The following NREP variants were observed in gnomAD, a reference collection of about 807,000 sequenced individuals.
NREP encodes the protein neuronal regeneration-related protein.
A neutral mutation model predicts 8.6 loss-of-function variants in NREP; 5 were observed. That is an observed-to-expected ratio of 0.58 (90% confidence interval 0.30 to 1.22). The LOEUF (loss-of-function observed/expected upper bound fraction) is 1.22. Ranked by LOEUF, NREP falls within the 50% of genes most tolerant of loss-of-function variation. NREP has a pLI of 0.07. For missense variants in NREP, 86 were observed against 82.5 expected (o/e 1.04, Z -0.17); for synonymous variants, 27 against 28.0 (o/e 0.96, Z 0.11).
At chr5:111,896,861 C>G (rs1754523835) in intron 2 of NREP, among the ~76,000 whole-genome samples, 1 of 152,126 alleles carries the variant, frequency 6.6e-6, no homozygotes, top group Non-Finnish European at 1.5e-5. Flanking sequence ...GGGAGAAATA[C>G]TAACAGAAGA....
In NREP at chr5:111,802,398, G is replaced by C. The variant is rs540790426; in HGVS notation, c.136-66891C>G. 2.0e-5 allele frequency among the ~76,000 whole-genome samples: 3 copies of C among 152,262 alleles called. No individual in the cohort carries two copies. In the South Asian group the frequency reaches 6.2e-4, roughly 32 times the overall value. On this transcript the variant is annotated intron_variant, in intron 2 of 3. Coordinates refer to the NREP transcript ENST00000395634. The stretch of plus-strand genomic sequence containing the variant: ...AATTGTTAAAGACTTTTAGGGTGAA[G>C]CCTAGTCTTGAAAACACTGGGGAGC...
intron 2 of NREP, among the ~76,000 whole-genome samples, chr5:111,873,926 T>C (rs1453430169): frequency 1.3e-5 from 2 of 152,154 alleles, no homozygotes; most frequent in South Asian, 2.1e-4. Context: ...TCCCTCTGAA[T>C]TTCTTTCTAC....
intron 2 of NREP, among the ~76,000 whole-genome samples, chr5:111,898,620 A>G (rs1754570940): frequency 6.6e-6 from 1 of 152,154 alleles, no homozygotes. Flanking sequence ...GTGGAACATG[A>G]TGGCAGAGTA....
chr5:111,845,948 A>G (rs1753151993), intron 2 of NREP: 1 of 152,168 alleles, frequency 6.6e-6, no homozygotes, highest in Non-Finnish European at 1.5e-5. Flanking sequence ...ATGACTCCAT[A>G]TTGCCATTTA....
intron 2 of NREP, among the ~76,000 whole-genome samples, chr5:111,944,698 C>A (rs1328738156): frequency 6.6e-6 from 1 of 152,052 alleles, no homozygotes; most frequent in African/African-American, 2.4e-5. Flanking sequence ...TCAATTCTGG[C>A]CCACAGTATC....
At chr5:111,798,913 T>A (rs1385098451) in intron 2 of NREP, among the ~76,000 whole-genome samples, 1 of 152,204 alleles carries the variant, frequency 6.6e-6, no homozygotes, top group Non-Finnish European at 1.5e-5. Context: ...TTTTGTATAA[T>A]AACTTCTTTT....
chr5:111,962,016 C>A (rs1445139336), intron 2 of NREP, among the ~76,000 whole-genome samples: 1 of 152,120 alleles, frequency 6.6e-6, no homozygotes, highest in Non-Finnish European at 1.5e-5. Flanking sequence ...AATTCAGGCT[C>A]CAGTCAAGTG....
intron 2 of NREP, among the ~76,000 whole-genome samples, chr5:111,890,110 A>C (rs1031532011): frequency 6.6e-6 from 1 of 152,204 alleles, no homozygotes; most frequent in African/African-American, 2.4e-5. Flanking sequence ...CCCGACAGGT[A>C]CAATCATTGG....
At chr5:111,755,071 TAATA>T (rs1437039677) in intron 2 of NREP, among the ~76,000 whole-genome samples, 1 of 152,212 alleles carries the variant, frequency 6.6e-6, no homozygotes, top group African/African-American at 2.4e-5. Context: ...CATAGATGAT[TAATA>T]TACTTATTCA....
At chr5:111,895,819 G>C (rs1188041680) in intron 2 of NREP, among the ~76,000 whole-genome samples, 1 of 152,112 alleles carries the variant, frequency 6.6e-6, no homozygotes, top group Non-Finnish European at 1.5e-5. Context: ...TGGGACATTT[G>C]AAACTCTGTA....
At chr5:111,917,193 G>A (rs952128247) in intron 2 of NREP, among the ~76,000 whole-genome samples, 2 of 152,066 alleles carry the variant, frequency 1.3e-5, no homozygotes, top group African/African-American at 2.4e-5. Context: ...CCAATAACAT[G>A]TTCTGAAATT....
Position 111,873,500 on chromosome 5 carries a change from A to G in NREP, c.135+101774T>C, listed in dbSNP as rs373479940. ...CATTTGTAGGGGACAGAAGTCTCCA[A>G]TTTCTTGCTGGCTGTAAACTGAAGG... On this transcript the variant is annotated intron_variant, in intron 2 of 3. Transcript: ENST00000395634. Among the ~76,000 whole-genome samples the G allele has an allele frequency of 6.2e-4, 94 of 152,278 alleles. 2 individuals carry two copies. The highest frequency in any genetic ancestry group is 2.2e-3 in the African/African-American group (93 of 41,562).
chr5:111,785,587 T>C (rs143344610), intron 2 of NREP, among the ~76,000 whole-genome samples: 372 of 152,276 alleles, frequency 2.4e-3, no homozygotes, highest in African/African-American at 8.0e-3. Flanking sequence ...CCAAAATGAC[T>C]ATTCTTATTT....
chr5:111,881,647 A>G (rs1754075241), intron 2 of NREP, among the ~76,000 whole-genome samples: 1 of 152,152 alleles, frequency 6.6e-6, no homozygotes. Context: ...CAGAGGAACG[A>G]TCAGACAGCA....
chr5:111,743,998 GTATT>G (rs1214124447), intron 2 of NREP, among the ~76,000 whole-genome samples: 1 of 152,096 alleles, frequency 6.6e-6, no homozygotes, highest in Non-Finnish European at 1.5e-5. Flanking sequence ...GATGAGGTAA[GTATT>G]TATTTAGACA....
chr5:111,950,343 T>A lies in NREP; in HGVS notation c.135+24931A>T, dbSNP rs146708969. On this transcript the variant is annotated intron_variant, in intron 2 of 3. Transcript: ENST00000395634. ...TGGTGCTGGGAAAACTAGCTAGCCA[T>A]ATACAGAAAACTGAAACTGGACCCC... Among the ~76,000 whole-genome samples, 498 of 152,196 alleles carry A rather than the reference T, an allele frequency of 3.3e-3. 3 individuals carry two copies. Among genetic ancestry groups the A allele is most frequent in the Admixed American group, 5.0e-3 (76 of 15,284 alleles).
chr5:111,774,305 C>A (rs929816917), intron 2 of NREP, among the ~76,000 whole-genome samples: 2 of 151,906 alleles, frequency 1.3e-5, no homozygotes, highest in African/African-American at 4.8e-5. Context: ...GGGAAAAAGA[C>A]ATATGATATT....
At chr5:111,774,909 T>C (rs553620965) in intron 2 of NREP, among the ~76,000 whole-genome samples, 32 of 152,302 alleles carry the variant, frequency 2.1e-4, no homozygotes, top group Admixed American at 3.9e-4. Flanking sequence ...TTTGTGGTAA[T>C]TGGTTATGGT....
intron 2 of NREP, among the ~76,000 whole-genome samples, chr5:111,839,989 T>A (rs1752987455): frequency 6.6e-6 from 1 of 152,114 alleles, no homozygotes; most frequent in Non-Finnish European, 1.5e-5. Context: ...GCTAACAACA[T>A]CCTGATCGTG....
Sources: allele counts gnomAD v4.1 joint callset (sites outside exome capture counted in the v4.1 genomes callset), GRCh38; gene constraint gnomAD v4.1.1; transcripts MANE v1.5; gene names NCBI Gene and HGNC (gene_info 2026-07-23, HGNC 2026-07-21).